Variants in CBLB observed in about 807,000 individuals in gnomAD.
CBLB encodes E3 ubiquitin-protein ligase CBL-B.
Under a neutral mutation model 104.9 loss-of-function variants are expected in CBLB, and 31 were observed. The observed-to-expected ratio is 0.30, with a 90% CI of 0.22 to 0.40. The LOEUF is 0.40. Ranked by LOEUF, CBLB falls within the 10% of genes least tolerant of loss-of-function variation. The pLI, the probability that CBLB is intolerant of heterozygous loss-of-function variation, is 1.00. For missense variants in CBLB, 1,062 were observed against 1,214.6 expected (o/e 0.87, Z 1.87); for synonymous variants, 440 against 422.6 (o/e 1.04, Z -0.51).
At chr3:105,801,016 A>G (rs1439509731) in intron 3 of CBLB, among the ~76,000 whole-genome samples, 1 of 152,130 alleles carries the variant, frequency 6.6e-6, no homozygotes, top group Admixed American at 6.6e-5. Flanking sequence ...AAAAAAAAAA[A>G]TCTCGGGAAG....
chr3:105,667,833 A>T (rs1011044471), intron 18 of CBLB, among the ~76,000 whole-genome samples: 3 of 152,228 alleles, frequency 2.0e-5, no homozygotes, highest in African/African-American at 7.2e-5. Flanking sequence ...AAGGCAGAGC[A>T]ATCATACCAG....
intron 3 of CBLB, among the ~76,000 whole-genome samples, chr3:105,811,220 T>A (rs374311236): frequency 1.1e-4 from 16 of 152,298 alleles, no homozygotes; most frequent in African/African-American, 3.6e-4. Context: ...ACTAAATTTT[T>A]TGAGTCATTA....
At chr3:105,764,184 C>A (rs2077969857) in intron 4 of CBLB, among the ~76,000 whole-genome samples, 1 of 152,104 alleles carries the variant, frequency 6.6e-6, no homozygotes, top group African/African-American at 2.4e-5. Context: ...GGATTAAGAC[C>A]AGGACCTCTA....
chr3:105,718,391 G>A (rs185707840), intron 10 of CBLB, among the ~76,000 whole-genome samples: 2 of 152,116 alleles, frequency 1.3e-5, no homozygotes, highest in Admixed American at 6.5e-5. Context: ...GTAAAAATTT[G>A]TATGTAAAAT....
intron 3 of CBLB, among the ~76,000 whole-genome samples, chr3:105,804,743 C>T (rs758903684): frequency 2.2e-4 from 34 of 151,860 alleles, no homozygotes; most frequent in Non-Finnish European, 4.4e-4. Flanking sequence ...CACCAGCTCC[C>T]AACATCTGTT....
At chr3:105,784,145 T>C (rs192487384) in intron 3 of CBLB, among the ~76,000 whole-genome samples, 1 of 152,336 alleles carries the variant, frequency 6.6e-6, no homozygotes, top group Admixed American at 6.5e-5. Context: ...GAAAACTCTT[T>C]ATCTTTAGTA....
chr3:105,796,267 T>C (rs1403816043), intron 3 of CBLB, among the ~76,000 whole-genome samples: 1 of 152,052 alleles, frequency 6.6e-6, no homozygotes, highest in Non-Finnish European at 1.5e-5. Context: ...TGGAACAGAA[T>C]AGACAGCCCA....
At position 105,768,041 on chromosome 3, in the gene CBLB, T is replaced by A. The variant is rs534988482; in HGVS notation, c.566+8355A>T. Among the ~76,000 whole-genome samples, 6 of 152,332 alleles carry A rather than the reference T, an allele frequency of 3.9e-5. No individual in the cohort carries two copies. The South Asian group carries it at 1.2e-3, about 32-fold the overall frequency. ...CAACTCATCTGAATTAAATGTACAA[T>A]GGTTCCTGAAAGCCTGTATATAAAA... On this transcript the variant is annotated intron_variant, in intron 4 of 18. Transcript: ENST00000394030.
rs2072856137 is a variant in CBLB, at chr3:105,721,707, C to G, written c.1204-1457G>C. Among the ~76,000 whole-genome samples, 3 of 152,194 alleles carry G rather than the reference C, an allele frequency of 2.0e-5. No individual in the cohort carries two copies. The South Asian group carries it at 6.2e-4, about 32-fold the overall frequency. On this transcript the variant is annotated intron_variant, in intron 9 of 18. Transcript: ENST00000394030. ...CAAAACACATTAAATATTATTTGCT[C>G]CATCATTTTACAGATAACAAAACCA...
At chr3:105,807,796 T>C (rs902992562) in intron 3 of CBLB, among the ~76,000 whole-genome samples, 1 of 152,186 alleles carries the variant, frequency 6.6e-6, no homozygotes, top group African/African-American at 2.4e-5. Context: ...TATATCAGCA[T>C]AGAGCTGGAA....
chr3:105,743,525 C>T (rs1351925579), intron 6 of CBLB, among the ~76,000 whole-genome samples: 2 of 150,696 alleles, frequency 1.3e-5, no homozygotes, highest in African/African-American at 2.4e-5. Flanking sequence ...TTCATGTTGA[C>T]GAGGTGGTTT....
At chr3:105,726,896 G>A (rs926776706) in intron 9 of CBLB, among the ~76,000 whole-genome samples, 1 of 152,092 alleles carries the variant, frequency 6.6e-6, no homozygotes, top group African/African-American at 2.4e-5. Context: ...CCTTTTTTAT[G>A]GCTGCATAGT....
intron 3 of CBLB, among the ~76,000 whole-genome samples, chr3:105,833,891 G>A (rs2087964624): frequency 6.6e-6 from 1 of 151,720 alleles, no homozygotes; most frequent in African/African-American, 2.4e-5. Context: ...TGATAATTAA[G>A]TAAAACCTTT....
At chr3:105,740,349 A>T (rs933430120) in intron 7 of CBLB, 145 bp downstream of exon 7, 8 of 779,164 alleles carry the variant, frequency 1.0e-5, no homozygotes, top group South Asian at 3.1e-5. Context: ...ATATAAAAAG[A>T]TGAACAAAAA....
intron 4 of CBLB, among the ~76,000 whole-genome samples, chr3:105,759,928 T>A (rs1403680902): frequency 6.6e-6 from 1 of 152,212 alleles, no homozygotes; most frequent in Non-Finnish European, 1.5e-5. Flanking sequence ...TACTGCAGCA[T>A]CTTTGCAGCA....
chr3:105,669,325 C>T (rs559407490), intron 18 of CBLB, among the ~76,000 whole-genome samples: 12 of 152,234 alleles, frequency 7.9e-5, no homozygotes, highest in African/African-American at 2.6e-4. Flanking sequence ...GAAACAGATC[C>T]CAGAGCACTC....
chr3:105,813,332 G>A (rs1480672995), intron 3 of CBLB, among the ~76,000 whole-genome samples: 1 of 152,016 alleles, frequency 6.6e-6, no homozygotes, highest in African/African-American at 2.4e-5. Flanking sequence ...GACAGACATG[G>A]GGATAAAAGA....
intron 3 of CBLB, among the ~76,000 whole-genome samples, chr3:105,829,240 G>A (rs1352592638): frequency 6.6e-6 from 1 of 152,000 alleles, no homozygotes; most frequent in African/African-American, 2.4e-5. Context: ...ATCTGGTTTT[G>A]TAGCTTATGA....
chr3:105,704,276 C>G, intron 10 of CBLB, 103 bp from the exon 11 acceptor site: 1 of 1,079,606 alleles, frequency 9.3e-7, no homozygotes, highest in Non-Finnish European at 1.4e-6. Flanking sequence ...TGGCACCATA[C>G]ATTTGTTAAA....
Sources: gnomAD v4.1 joint callset for allele counts (sites outside exome capture counted in the v4.1 genomes callset) on GRCh38, gnomAD v4.1.1 for gene constraint, MANE v1.5 for transcripts, NCBI Gene and HGNC (gene_info 2026-07-23, HGNC 2026-07-21) for gene names.